Variants in LAMC1 observed in about 807,000 individuals in gnomAD.
The protein encoded by LAMC1 is laminin subunit gamma-1.
In LAMC1, 38 loss-of-function variants were observed where a neutral mutation model predicts 173.6. The observed-to-expected ratio is 0.22, with a 90% CI of 0.17 to 0.29. LAMC1 has a LOEUF of 0.29. Ranked by LOEUF, LAMC1 falls within the 10% of genes least tolerant of loss-of-function variation. LAMC1 has a pLI of 1.00. For missense variants in LAMC1, 1,824 were observed against 2,051.8 expected (o/e 0.89, Z 2.14); for synonymous variants, 746 against 749.1 (o/e 1.00, Z 0.07).
intron 17 of LAMC1, among the ~76,000 whole-genome samples, chr1:183,127,677 G>A (rs1656659265): frequency 6.6e-6 from 1 of 152,198 alleles, no homozygotes; most frequent in South Asian, 2.1e-4. Flanking sequence ...GGTGAGATCT[G>A]ATGGATACAA....
intron 21 of LAMC1, among the ~76,000 whole-genome samples, chr1:183,132,865 A>G (rs545650011): frequency 6.6e-6 from 1 of 152,334 alleles, no homozygotes; most frequent in East Asian, 1.9e-4. Flanking sequence ...GGTGTCTGAA[A>G]TAAGAAAGTA....
chr1:183,056,820 A>T (rs1250970408), intron 1 of LAMC1, among the ~76,000 whole-genome samples: 2 of 152,222 alleles, frequency 1.3e-5, no homozygotes, highest in East Asian at 3.8e-4. Context: ...CAAAACCTGG[A>T]AATAGGAGAT....
chr1:183,115,754 A>C lies in LAMC1; in HGVS notation c.1328+117A>C. 4.0e-6 allele frequency: 3 copies of C among 754,382 alleles called. No individual in the cohort carries two copies. In the South Asian group the frequency reaches 4.9e-5, roughly 12 times the overall value. 46.7% of individuals were successfully genotyped at this position (754,382 alleles called of 1,614,324 possible). A position where few individuals can be genotyped will look rare whatever the true frequency, so the allele number is the denominator to read the frequency against. ...AACATTTTTCCTGTAATAATTGTCAACAAGACTGAGGACTAGCTGTAATGG... is the reference window on the plus strand; with the variant it reads ...AACATTTTTCCTGTAATAATTGTCACCAAGACTGAGGACTAGCTGTAATGG... On this transcript the variant is annotated intron_variant, in intron 6 of 27. Coordinates refer to ENST00000258341, the MANE Select transcript of LAMC1 (RefSeq NM_002293.4).
At chr1:183,028,765 A>G (rs1457619606) in intron 1 of LAMC1, among the ~76,000 whole-genome samples, 4 of 152,136 alleles carry the variant, frequency 2.6e-5, no homozygotes, top group African/African-American at 9.7e-5. Flanking sequence ...TTATGTTCCT[A>G]GATTCCTCTC....
At chr1:183,030,223 C>T (rs1653814016) in intron 1 of LAMC1, among the ~76,000 whole-genome samples, 1 of 152,116 alleles carries the variant, frequency 6.6e-6, no homozygotes, top group Non-Finnish European at 1.5e-5. Context: ...CGACAGACTC[C>T]ATATGTCCCA....
chr1:183,122,158 T>A lies in LAMC1; in HGVS notation c.2308T>A (p.Cys770Ser). Residue 770 changes from cysteine to serine, a missense_variant, in exon 13 of 28, where the codon TGC becomes AGC. By Grantham distance (112) the Cys-to-Ser change is moderately radical. Coordinates refer to ENST00000258341, the MANE Select transcript of LAMC1 (RefSeq NM_002293.4). ...TTCAACTGCAGGCACCTCCTCCGATTGCCAACCCTGTCCGTGTCCTGGAGG... is the reference window on the plus strand; with the variant it reads ...TTCAACTGCAGGCACCTCCTCCGATAGCCAACCCTGTCCGTGTCCTGGAGG... ...GDSTAGTSSD[C>S]QPCPCPGGSS... 6.2e-7 allele frequency: 1 copy of A among 1,614,194 alleles called. No individual in the cohort carries two copies. Among genetic ancestry groups the A allele is most frequent in the Non-Finnish European group, 8.5e-7 (1 of 1,180,030 alleles).
At chr1:183,060,122 C>G (rs1481853080) in intron 1 of LAMC1, among the ~76,000 whole-genome samples, 2 of 152,168 alleles carry the variant, frequency 1.3e-5, no homozygotes, top group Non-Finnish European at 2.9e-5. Context: ...TCATGCCACT[C>G]ACTGTCTGCT....
intron 1 of LAMC1, among the ~76,000 whole-genome samples, chr1:183,099,666 G>A (rs1655784289): frequency 6.6e-6 from 1 of 152,058 alleles, no homozygotes; most frequent in South Asian, 2.1e-4. Context: ...GTGCACCTCA[G>A]GGTGGTCTCA....
At chr1:183,097,895 T>C (rs1655735219) in intron 1 of LAMC1, among the ~76,000 whole-genome samples, 1 of 152,160 alleles carries the variant, frequency 6.6e-6, no homozygotes, top group African/African-American at 2.4e-5. Flanking sequence ...AGTAGAACAC[T>C]CAGAAGCTAA....
At chr1:183,127,201 G>A in intron 16 of LAMC1, 25 bp from the exon 17 acceptor site, 3 of 1,604,862 alleles carry the variant, frequency 1.9e-6, no homozygotes, top group South Asian at 1.1e-5. Flanking sequence ...TGCTAATTAT[G>A]TATTATTTTC....
intron 1 of LAMC1, among the ~76,000 whole-genome samples, chr1:183,063,245 A>AGT (rs565933427): frequency 2.2e-3 from 334 of 152,344 alleles, no homozygotes; most frequent in Non-Finnish European, 2.8e-3. Context: ...TGCAGTCCTT[A>AGT]GTGTAGTAAG....
intron 1 of LAMC1, 100 bp downstream of exon 1, chr1:183,024,234 C>A: frequency 8.6e-7 from 1 of 1,166,620 alleles, no homozygotes; most frequent in Non-Finnish European, 1.2e-6. Context: ...CAGACGGCCG[C>A]GTGTTTGCTC....
At chr1:183,141,969 T>TAA (rs1288265469) in intron 27 of LAMC1, among the ~76,000 whole-genome samples, 1 of 152,240 alleles carries the variant, frequency 6.6e-6, no homozygotes, top group Non-Finnish European at 1.5e-5. Flanking sequence ...CCTCTTTTTC[T>TAA]TGCTAAGCTT....
intron 1 of LAMC1, among the ~76,000 whole-genome samples, chr1:183,069,570 A>T (rs1172387092): frequency 6.6e-6 from 1 of 152,226 alleles, no homozygotes; most frequent in African/African-American, 2.4e-5. Context: ...AGAAAGCCTG[A>T]AGAGAGGTCT....
intron 13 of LAMC1, among the ~76,000 whole-genome samples, chr1:183,124,057 C>T (rs536301164): frequency 6.6e-6 from 1 of 152,316 alleles, no homozygotes; most frequent in Non-Finnish European, 1.5e-5. Flanking sequence ...AGGCAAATTA[C>T]TTATCCTCTC....
intron 27 of LAMC1, among the ~76,000 whole-genome samples, chr1:183,141,555 G>A (rs1265617641): frequency 6.6e-6 from 1 of 152,178 alleles, no homozygotes; most frequent in East Asian, 1.9e-4. Flanking sequence ...ATTATAAAGT[G>A]TCAACACTCT....
intron 1 of LAMC1, among the ~76,000 whole-genome samples, chr1:183,085,080 G>C (rs1342393094): frequency 6.6e-6 from 1 of 152,090 alleles, no homozygotes; most frequent in Non-Finnish European, 1.5e-5. Flanking sequence ...AGCCGGGTGT[G>C]GTGGTGTGTG....
chr1:183,032,611 C>T (rs1055934643), intron 1 of LAMC1, among the ~76,000 whole-genome samples: 1 of 152,150 alleles, frequency 6.6e-6, no homozygotes, highest in African/African-American at 2.4e-5. Context: ...CAGCCTTGAC[C>T]TCCTAGGCTC....
In LAMC1 at chr1:183,142,857, GAC is replaced by G; in HGVS notation, c.*71_*72del. Reference sequence around the variant, plus strand: ...CAGTTGTGAGGCCACAGAGTGCCTTGACACAAAGATTACATTTTTCAGACCCC... The same window carrying G: ...CAGTTGTGAGGCCACAGAGTGCCTTGACAAAGATTACATTTTTCAGACCCC... On this transcript the variant is annotated 3_prime_UTR_variant, in exon 28 of 28. Transcript: ENST00000258341. 6.7e-7 allele frequency: 1 copy of G among 1,492,758 alleles called. No homozygotes were observed. The highest frequency in any genetic ancestry group is 9.0e-7 in the Non-Finnish European group (1 of 1,106,886). The allele number at this position is 1,492,758 out of a possible 1,614,324, so 92.5% of individuals were successfully genotyped here.
Sources: gnomAD v4.1 joint callset for allele counts (sites outside exome capture counted in the v4.1 genomes callset) on GRCh38, gnomAD v4.1.1 for gene constraint, MANE v1.5 for transcripts, NCBI Gene and HGNC (gene_info 2026-07-23, HGNC 2026-07-21) for gene names.